Variants in VWA3B observed in about 807,000 individuals in gnomAD.
VWA3B encodes the protein von Willebrand factor A domain containing 3B, also known as von Willebrand factor A domain-containing protein 3B.
Under a neutral mutation model 158.3 loss-of-function variants are expected in VWA3B, and 138 were observed. The observed-to-expected ratio is 0.87, with a 90% CI of 0.76 to 1.00. The LOEUF (loss-of-function observed/expected upper bound fraction) is 1.00. Ranked by LOEUF, VWA3B falls within the 50% of genes least tolerant of loss-of-function variation. The pLI is 0.00. For missense variants in VWA3B, 1,555 were observed against 1,565.1 expected (o/e 0.99, Z 0.11); for synonymous variants, 596 against 587.3 (o/e 1.01, Z -0.21).
chr2:98,267,474 A>G (rs1687916369), intron 21 of VWA3B, among the ~76,000 whole-genome samples: 1 of 152,132 alleles, frequency 6.6e-6, no homozygotes, highest in African/African-American at 2.4e-5. Context: ...AGAAATAAAG[A>G]TGTTCTTTGA....
At chr2:98,193,697 G>A (rs1057233542) in intron 11 of VWA3B, among the ~76,000 whole-genome samples, 3 of 151,312 alleles carry the variant, frequency 2.0e-5, no homozygotes, top group South Asian at 2.1e-4. Flanking sequence ...CCGGGTTCAC[G>A]CCATTCTCCT....
chr2:98,198,377 C>T lies in VWA3B; in HGVS notation c.1737+3885C>T, dbSNP rs1161936751. On this transcript the variant is annotated intron_variant, in intron 12 of 27. Coordinates refer to ENST00000477737, the MANE Select transcript of VWA3B (RefSeq NM_144992.5). Reference sequence around the variant, plus strand: ...TTTTCTGCTTTAACTTTACAGTATCCATTCAAAAAACTGTCTTCCAAAGCT... The same window carrying T: ...TTTTCTGCTTTAACTTTACAGTATCTATTCAAAAAACTGTCTTCCAAAGCT... 3.9e-5 allele frequency among the ~76,000 whole-genome samples: 6 copies of T among 151,914 alleles called. No homozygotes were observed. The East Asian group carries it at 5.8e-4, about 15-fold the overall frequency.
intron 2 of VWA3B, among the ~76,000 whole-genome samples, chr2:98,104,974 T>C (rs530513195): frequency 6.6e-6 from 1 of 152,312 alleles, no homozygotes; most frequent in South Asian, 2.1e-4. Context: ...ACATACATTA[T>C]AAATCTCACA....
intron 21 of VWA3B, among the ~76,000 whole-genome samples, chr2:98,267,185 G>T (rs1687896035): frequency 6.6e-6 from 1 of 151,298 alleles, no homozygotes; most frequent in African/African-American, 2.4e-5. Context: ...CTGTGGGTTT[G>T]TCATAGATAG....
chr2:98,251,557 G>A (rs1686801584), intron 20 of VWA3B, among the ~76,000 whole-genome samples: 1 of 152,096 alleles, frequency 6.6e-6, no homozygotes, highest in African/African-American at 2.4e-5. Flanking sequence ...TGAGCATTTG[G>A]CTTCTGCAGG....
At chr2:98,090,282 C>T (rs923400376) in intron 1 of VWA3B, among the ~76,000 whole-genome samples, 1 of 152,128 alleles carries the variant, frequency 6.6e-6, no homozygotes, top group Non-Finnish European at 1.5e-5. Context: ...TTCTGTGATT[C>T]TAAACTTTCT....
chr2:98,177,516 C>G (rs1345669154), intron 8 of VWA3B, among the ~76,000 whole-genome samples: 2 of 152,040 alleles, frequency 1.3e-5, no homozygotes, highest in African/African-American at 4.8e-5. Context: ...AAATGAGACT[C>G]AGCCACTAAT....
chr2:98,284,924 T>C (rs190090100), intron 22 of VWA3B, among the ~76,000 whole-genome samples: 2 of 152,320 alleles, frequency 1.3e-5, no homozygotes, highest in Admixed American at 1.3e-4. Context: ...TTTTGATTTG[T>C]AGATGGATTC....
intron 8 of VWA3B, among the ~76,000 whole-genome samples, chr2:98,166,032 G>A (rs376552187): frequency 2.0e-5 from 3 of 152,094 alleles, no homozygotes; most frequent in African/African-American, 7.2e-5. Context: ...TTGGAGACAG[G>A]GTCTTTAAAA....
chr2:98,175,586 C>T (rs1181407251), intron 8 of VWA3B, among the ~76,000 whole-genome samples: 1 of 152,018 alleles, frequency 6.6e-6, no homozygotes, highest in African/African-American at 2.4e-5. Context: ...CAATGGCATA[C>T]CATAAACATA....
intron 8 of VWA3B, among the ~76,000 whole-genome samples, chr2:98,173,388 G>C (rs913007528): frequency 2.6e-5 from 4 of 152,222 alleles, no homozygotes; most frequent in Admixed American, 1.3e-4. Context: ...AGCAACAAGT[G>C]AGAATGCCAG....
At chr2:98,215,880 G>A (rs541974309) in intron 13 of VWA3B, among the ~76,000 whole-genome samples, 3 of 144,884 alleles carry the variant, frequency 2.1e-5, no homozygotes, top group East Asian at 1.9e-4. Context: ...TTCGACACAC[G>A]TGGTCTATTT....
intron 3 of VWA3B, 72 bp from the exon 4 acceptor site, chr2:98,119,441 G>A (rs191316484): frequency 3.3e-5 from 51 of 1,537,080 alleles, no homozygotes; most frequent in Admixed American, 2.5e-4. Context: ...CACAGTTCTC[G>A]GTGGCAGCAC....
At chr2:98,289,842 T>C (rs1689382205) in intron 22 of VWA3B, among the ~76,000 whole-genome samples, 1 of 152,166 alleles carries the variant, frequency 6.6e-6, no homozygotes, top group Non-Finnish European at 1.5e-5. Flanking sequence ...CATATGTAAT[T>C]TTTCTTTATT....
intron 20 of VWA3B, 79 bp from the exon 21 acceptor site, chr2:98,256,045 C>A: frequency 6.6e-7 from 1 of 1,526,392 alleles, no homozygotes; most frequent in Non-Finnish European, 9.0e-7. Flanking sequence ...TGGGCTCCCA[C>A]TGCGGTGCCT....
At chr2:98,138,419 T>G (rs1012763529) in intron 7 of VWA3B, among the ~76,000 whole-genome samples, 1 of 152,162 alleles carries the variant, frequency 6.6e-6, no homozygotes, top group African/African-American at 2.4e-5. Flanking sequence ...GCTAGAGAGA[T>G]CCATTAAAAA....
intron 8 of VWA3B, among the ~76,000 whole-genome samples, chr2:98,164,093 C>T (rs959751380): frequency 3.3e-5 from 5 of 152,160 alleles, no homozygotes; most frequent in African/African-American, 9.7e-5. Context: ...ATCCCATCCA[C>T]GCTGTCTGTG....
intron 21 of VWA3B, among the ~76,000 whole-genome samples, chr2:98,267,492 G>A (rs1687917987): frequency 1.3e-5 from 2 of 151,966 alleles, no homozygotes; most frequent in South Asian, 2.1e-4. Flanking sequence ...TGAAACCAAC[G>A]AGAACAAAGA....
intron 7 of VWA3B, among the ~76,000 whole-genome samples, chr2:98,160,330 GTTTTC>G (rs1029767711): frequency 3.9e-5 from 6 of 152,002 alleles, no homozygotes; most frequent in African/African-American, 9.7e-5. Context: ...GTTTTGTTTT[GTTTTC>G]TTTTCTTTTG....
Sources: allele counts gnomAD v4.1 joint callset (sites outside exome capture counted in the v4.1 genomes callset), GRCh38; gene constraint gnomAD v4.1.1; transcripts MANE v1.5; gene names NCBI Gene and HGNC (gene_info 2026-07-23, HGNC 2026-07-21).